The following LGR4 variants were observed in gnomAD, a reference collection of about 807,000 sequenced individuals.
LGR4 encodes the protein leucine-rich repeat-containing G protein-coupled receptor 4.
LGR4 carries 44 observed loss-of-function variants against 84.8 expected under a neutral mutation model. The ratio of observed to expected loss-of-function variants is 0.52; its 90% CI spans 0.41 to 0.67. LGR4 has a LOEUF of 0.67. LGR4 is among the 30% of genes least tolerant of loss of function. The pLI, the probability that LGR4 is intolerant of heterozygous loss-of-function variation, is 0.00. For missense variants in LGR4, 1,032 were observed against 1,131.4 expected, an observed-to-expected ratio of 0.91 and a Z score of 1.26; for synonymous variants, 429 against 434.3, an observed-to-expected ratio of 0.99 and a Z score of 0.15.
intron 2 of LGR4, among the ~76,000 whole-genome samples, chr11:27,394,005 G>T (rs1450952815): frequency 6.7e-6 from 1 of 149,076 alleles, no homozygotes; most frequent in East Asian, 2.0e-4. Context: ...GAAACCAAAG[G>T]GGTAAGTATG....
intron 1 of LGR4, among the ~76,000 whole-genome samples, chr11:27,414,356 T>C (rs962549800): frequency 6.6e-6 from 1 of 150,880 alleles, no homozygotes; most frequent in East Asian, 2.0e-4. Flanking sequence ...TAATTATCCA[T>C]GAATCTCTGG....
chr11:27,388,571 T>G (rs1184237048), intron 4 of LGR4, among the ~76,000 whole-genome samples: 1 of 152,172 alleles, frequency 6.6e-6, no homozygotes, highest in Non-Finnish European at 1.5e-5. Flanking sequence ...CTGGAAGACA[T>G]GCTTCTATTT....
In LGR4 at chr11:27,373,540, C is replaced by A. The variant is rs774863454; in HGVS notation, c.1379+11G>T. 1 of 1,512,066 alleles carries A rather than the reference C, an allele frequency of 6.6e-7. No homozygotes were observed. The highest frequency in any genetic ancestry group is 8.9e-7 in the Non-Finnish European group (1 of 1,125,560). The allele number at this position is 1,512,066 out of a possible 1,614,324, so 93.7% of individuals were successfully genotyped here. ...AACTTCAACAAAAAAGAAAAATAAG[C>A]AAAAACACACCTGAGGTTAACAAAG... is the stretch of plus-strand genomic sequence containing the variant. On this transcript the variant is annotated intron_variant, in intron 15 of 17. Transcript: ENST00000379214.
intron 9 of LGR4, 63 bp from the exon 10 acceptor site, chr11:27,380,402 C>A: frequency 2.4e-6 from 3 of 1,248,154 alleles, no homozygotes; most frequent in South Asian, 1.3e-5. Flanking sequence ...ATGTTTTAAA[C>A]AGTTTAAAAT....
At chr11:27,441,835 C>T (rs182970952) in intron 1 of LGR4, among the ~76,000 whole-genome samples, 1 of 152,070 alleles carries the variant, frequency 6.6e-6, no homozygotes, top group Non-Finnish European at 1.5e-5. Context: ...ACAGAACTTA[C>T]GGCAGGGGAG....
intron 2 of LGR4, among the ~76,000 whole-genome samples, chr11:27,410,159 G>A (rs577367452): frequency 2.2e-4 from 34 of 152,112 alleles, no homozygotes; most frequent in Non-Finnish European, 3.8e-4. Flanking sequence ...TAGTGGCTAC[G>A]GTGCTGGACA....
chr11:27,456,300 C>A (rs1014776167), intron 1 of LGR4, among the ~76,000 whole-genome samples: 2 of 117,810 alleles, frequency 1.7e-5, no homozygotes, highest in Admixed American at 1.7e-4. Flanking sequence ...GCTTAATAAA[C>A]ATCAGCTCAC....
chr11:27,406,680 T>C (rs1250458188), intron 2 of LGR4, among the ~76,000 whole-genome samples: 1 of 152,184 alleles, frequency 6.6e-6, no homozygotes, highest in Non-Finnish European at 1.5e-5. Context: ...CTATGACTTC[T>C]GTATGTGCTT....
chr11:27,376,864 T>C (rs925063598), intron 12 of LGR4, among the ~76,000 whole-genome samples: 2 of 152,210 alleles, frequency 1.3e-5, no homozygotes, highest in Non-Finnish European at 2.9e-5. Context: ...GAACTGGCAT[T>C]CATGTCTGGT....
intron 13 of LGR4, among the ~76,000 whole-genome samples, chr11:27,375,744 C>G (rs1862965742): frequency 2.6e-5 from 4 of 152,130 alleles, no homozygotes. Context: ...CTGTAGTCTG[C>G]CTACCCTTGC....
chr11:27,405,155 G>T lies in LGR4; in HGVS notation c.257+7634C>A, dbSNP rs918663543. On this transcript the variant is annotated intron_variant, in intron 2 of 17. Coordinates refer to ENST00000379214, the MANE Select transcript of LGR4 (RefSeq NM_018490.5). ...CCAAAGTCACTTTCAACAACTTACTGAAATGATTCCAAAAATACTTAAAGA... is the reference window on the plus strand; with the variant it reads ...CCAAAGTCACTTTCAACAACTTACTTAAATGATTCCAAAAATACTTAAAGA... Among the ~76,000 whole-genome samples, 3 of 152,260 alleles carry T rather than the reference G, an allele frequency of 2.0e-5. No individual in the cohort carries two copies. In the East Asian group the frequency reaches 5.8e-4, roughly 29 times the overall value.
intron 1 of LGR4, among the ~76,000 whole-genome samples, chr11:27,451,911 A>G (rs76020707): frequency 0.046 from 7,072 of 152,312 alleles, 221 homozygotes; most frequent in Non-Finnish European, 0.074. Context: ...TATAAACCTA[A>G]TGCATAATTT....
In LGR4 at chr11:27,371,645, G is replaced by C. The variant is rs1471331772; in HGVS notation, c.1549C>G (p.Gln517Glu). 6.2e-7 allele frequency: 1 copy of C among 1,613,252 alleles called. No individual in the cohort carries two copies. The highest frequency in any genetic ancestry group is 8.5e-7 in the Non-Finnish European group (1 of 1,179,448). ...TSTLENEEHS[Q>E]IIIHCTPSTG... is the part of the protein sequence containing the mutation. ...GAAGGTGTACAATGGATAATTATTT[G>C]ACTATGTTCTTCATTTTCAAGAGTG... Residue 517 changes from glutamine (Q) to glutamate (E), a missense_variant, in exon 17 of 18, where the codon CAA (glutamine) becomes GAA (glutamate). By Grantham distance (29) the Gln-to-Glu change is conservative. Transcript: ENST00000379214.
intron 1 of LGR4, among the ~76,000 whole-genome samples, chr11:27,443,889 A>G (rs917290576): frequency 8.5e-5 from 13 of 152,338 alleles, no homozygotes; most frequent in Middle Eastern, 3.4e-3. Flanking sequence ...ATCACGAACA[A>G]AAGTGTCATT....
intron 1 of LGR4, among the ~76,000 whole-genome samples, chr11:27,442,936 T>G (rs1193047457): frequency 6.6e-6 from 1 of 152,184 alleles, no homozygotes; most frequent in African/African-American, 2.4e-5. Flanking sequence ...AAGTTAGTAT[T>G]CATCAAATAT....
Position 27,384,415 on chromosome 11 carries a change from G to A in LGR4, c.618-8C>T, listed in dbSNP as rs2133372517. ...TTATTGTTATGAAGATGCCTAAGGG[G>A]GAAAAAAAGCATAAAATGACTTTTC... On this transcript the variant is annotated splice_polypyrimidine_tract_variant and splice_region_variant and intron_variant, in intron 5 of 17. Coordinates refer to ENST00000379214, the MANE Select transcript of LGR4 (RefSeq NM_018490.5). 6.3e-7 allele frequency: 1 copy of A among 1,594,642 alleles called. No homozygotes were observed. Among genetic ancestry groups the A allele is most frequent in the Non-Finnish European group, 8.6e-7 (1 of 1,165,726 alleles).
At position 27,368,651 on chromosome 11, in the gene LGR4, G is replaced by A; in HGVS notation, c.2072C>T (p.Pro691Leu). ...ACCTGTAGGAAATGGCAAACAAAGGGGTGATGCAGAATATTCCCCTCTATG... is the reference window on the plus strand; with the variant it reads ...ACCTGTAGGAAATGGCAAACAAAGGAGTGATGCAGAATATTCCCCTCTATG... ...LFHRGEYSAS[P>L]LCLPFPTGET... Residue 691 changes from proline (P) to leucine (L), a missense_variant, in exon 18 of 18, where the codon CCC becomes CTC. Coordinates refer to ENST00000379214, the MANE Select transcript of LGR4 (RefSeq NM_018490.5). The A allele has an allele frequency of 6.2e-7, 1 of 1,613,950 alleles. No individual in the cohort carries two copies. The highest frequency in any genetic ancestry group is 8.5e-7 in the Non-Finnish European group (1 of 1,179,972).
intron 1 of LGR4, among the ~76,000 whole-genome samples, chr11:27,452,790 ATTTTTTT>A (rs746624004): frequency 7.3e-6 from 1 of 136,684 alleles, no homozygotes; most frequent in African/African-American, 2.7e-5. Flanking sequence ...CGTCCGGCTA[ATTTTTTT>A]TTTTTTTTTG....
intron 2 of LGR4, among the ~76,000 whole-genome samples, chr11:27,403,696 T>C (rs1863547594): frequency 6.6e-6 from 1 of 152,224 alleles, no homozygotes; most frequent in Non-Finnish European, 1.5e-5. Context: ...GTACAAAATA[T>C]TAACCATAGT....
Sources: gnomAD v4.1 joint callset for allele counts (sites outside exome capture counted in the v4.1 genomes callset) on GRCh38, gnomAD v4.1.1 for gene constraint, MANE v1.5 for transcripts, NCBI Gene and HGNC (gene_info 2026-07-23, HGNC 2026-07-21) for gene names.